The following CLMP variants were observed in gnomAD, a reference collection of about 807,000 sequenced individuals.
CLMP encodes the protein CXADR like cell adhesion molecule.
A neutral mutation model predicts 45.2 loss-of-function variants in CLMP; 27 were observed. The ratio of observed to expected loss-of-function variants is 0.60; its 90% CI spans 0.44 to 0.82. The LOEUF is 0.82. Ranked by LOEUF, CLMP falls within the 40% of genes least tolerant of loss-of-function variation. The pLI is 0.00. For synonymous variants in CLMP, 167 were observed against 171.4 expected, an observed-to-expected ratio of 0.97 and a Z score of 0.20; for missense variants, 403 against 448.4, an observed-to-expected ratio of 0.90 and a Z score of 0.91.
At chr11:123,107,619 G>A (rs368431829) in intron 1 of CLMP, among the ~76,000 whole-genome samples, 69 of 144,678 alleles carry the variant, frequency 4.8e-4, no homozygotes, top group African/African-American at 1.6e-3. Context: ...CAGTCCTCCC[G>A]CCTCGGCCTC....
Position 123,153,395 on chromosome 11 carries a change from T to C in CLMP, c.28+41518A>G, listed in dbSNP as rs529997409. On this transcript the variant is annotated intron_variant, in intron 1 of 6. Coordinates refer to ENST00000448775, the MANE Select transcript of CLMP (RefSeq NM_024769.5). ...CCTTTGCATCCTATTGCCGTGACCA[T>C]ATTTGTCCCTAAAGATTTACCTCTT... Among the ~76,000 whole-genome samples, 6 of 152,316 alleles carry C rather than the reference T, an allele frequency of 3.9e-5. No individual in the cohort carries two copies. In the East Asian group the frequency reaches 9.6e-4, roughly 24 times the overall value.
rs1865686434 is a variant in CLMP, at chr11:123,072,613, T to G, written c.*861A>C. On this transcript the variant is annotated 3_prime_UTR_variant, in exon 7 of 7. Transcript: ENST00000448775. ...GAAGAATTCTTTCTAAGGACGTTGATAAATGACATGTTGTATTTTCTCCTT... is the reference window on the plus strand; with the variant it reads ...GAAGAATTCTTTCTAAGGACGTTGAGAAATGACATGTTGTATTTTCTCCTT... 1 of 152,246 alleles carries G rather than the reference T, an allele frequency of 6.6e-6. No homozygotes were observed. The highest frequency in any genetic ancestry group is 1.5e-5 in the Non-Finnish European group (1 of 68,042). The allele number at this position is 152,246 out of a possible 1,614,324, so 9.4% of individuals were successfully genotyped here. A position where few individuals can be genotyped will look rare whatever the true frequency, so the allele number is the denominator to read the frequency against.
chr11:123,161,889 G>A lies in CLMP; in HGVS notation c.28+33024C>T, dbSNP rs184721759. On this transcript the variant is annotated intron_variant, in intron 1 of 6. Coordinates refer to ENST00000448775, the MANE Select transcript of CLMP (RefSeq NM_024769.5). Reference sequence around the variant, plus strand: ...CTTCACAAGCCCTGCAGGTGCTAACGATGCACTGGCTCTCAAATTGGAGAA... The same window carrying A: ...CTTCACAAGCCCTGCAGGTGCTAACAATGCACTGGCTCTCAAATTGGAGAA... Among the ~76,000 whole-genome samples the A allele has an allele frequency of 1.2e-4, 19 of 152,272 alleles. No individual in the cohort carries two copies. The East Asian group carries it at 2.1e-3, about 17-fold the overall frequency.
At position 123,116,831 on chromosome 11, in the gene CLMP, T is replaced by C. The variant is rs967849180; in HGVS notation, c.29-18879A>G. On this transcript the variant is annotated intron_variant, in intron 1 of 6. Coordinates refer to ENST00000448775, the MANE Select transcript of CLMP (RefSeq NM_024769.5). ...TTCACAATTCTTTTTCATACATATT[T>C]TGAGTTTTATTATGCAGAATAAGTG... Among the ~76,000 whole-genome samples the C allele has an allele frequency of 3.9e-5, 6 of 152,344 alleles. No homozygotes were observed. The South Asian group carries it at 8.3e-4, about 21-fold the overall frequency.
intron 1 of CLMP, among the ~76,000 whole-genome samples, chr11:123,145,510 T>C (rs1437780691): frequency 6.9e-6 from 1 of 144,804 alleles, no homozygotes; most frequent in Admixed American, 7.3e-5. Context: ...TTGCCCAAGC[T>C]GGAGTGCAGC....
intron 1 of CLMP, among the ~76,000 whole-genome samples, chr11:123,110,705 C>T (rs562292391): frequency 1.3e-5 from 2 of 152,270 alleles, no homozygotes; most frequent in East Asian, 1.9e-4. Context: ...TGAGCATCTA[C>T]TTCCTTCCCA....
chr11:123,158,793 T>C (rs1043808103), intron 1 of CLMP, among the ~76,000 whole-genome samples: 3 of 152,208 alleles, frequency 2.0e-5, no homozygotes, highest in Non-Finnish European at 2.9e-5. Flanking sequence ...TTCACCCCTG[T>C]GAGCCCCAGG....
intron 1 of CLMP, among the ~76,000 whole-genome samples, chr11:123,139,368 A>G (rs1033670879): frequency 6.6e-6 from 1 of 152,244 alleles, no homozygotes; most frequent in East Asian, 1.9e-4. Flanking sequence ...AGGACTGGCC[A>G]GTGAGTTAGG....
intron 1 of CLMP, among the ~76,000 whole-genome samples, chr11:123,128,231 T>TA (rs1214636967): frequency 7.3e-6 from 1 of 136,522 alleles, no homozygotes; most frequent in African/African-American, 2.8e-5. Context: ...CATTCATGAT[T>TA]AAAAAAAGAA....
At chr11:123,077,845 G>A (rs977288300) in intron 5 of CLMP, among the ~76,000 whole-genome samples, 4 of 152,110 alleles carry the variant, frequency 2.6e-5, no homozygotes, top group Non-Finnish European at 4.4e-5. Context: ...TGTGGCTCAC[G>A]CCTGTAATCT....
At chr11:123,150,252 G>A (rs1289896339) in intron 1 of CLMP, among the ~76,000 whole-genome samples, 1 of 150,912 alleles carries the variant, frequency 6.6e-6, no homozygotes, top group Admixed American at 6.7e-5. Context: ...ATAGAGGGCT[G>A]TGACAGGTGA....
At chr11:123,135,327 T>TAA (rs71279498) in intron 1 of CLMP, among the ~76,000 whole-genome samples, 13 of 134,670 alleles carry the variant, frequency 9.7e-5, no homozygotes, top group Non-Finnish European at 1.4e-4. Context: ...TCTCAAAAGT[T>TAA]AAAAAAAAGG....
At chr11:123,154,303 G>C (rs551655242) in intron 1 of CLMP, among the ~76,000 whole-genome samples, 14 of 152,246 alleles carry the variant, frequency 9.2e-5, no homozygotes, top group South Asian at 8.3e-4. Context: ...GCCTGAACAT[G>C]CAAAACTTGC....
chr11:123,147,509 C>CTCT (rs1861255062), intron 1 of CLMP, among the ~76,000 whole-genome samples: 1 of 152,132 alleles, frequency 6.6e-6, no homozygotes, highest in African/African-American at 2.4e-5. Flanking sequence ...AACATGTGGG[C>CTCT]TGAAGTGATC....
At chr11:123,084,804 T>C (rs977472998) in intron 2 of CLMP, 91 bp from the exon 3 acceptor site, 77 of 1,092,994 alleles carry the variant, frequency 7.0e-5, no homozygotes, top group Non-Finnish European at 9.7e-5. Flanking sequence ...GTACTCCCAG[T>C]GGCACAAAGT....
intron 1 of CLMP, among the ~76,000 whole-genome samples, chr11:123,105,688 C>T (rs1205469490): frequency 6.6e-6 from 1 of 151,626 alleles, no homozygotes; most frequent in Non-Finnish European, 1.5e-5. Flanking sequence ...TCTTGGACTC[C>T]CAAAGTGCTG....
intron 1 of CLMP, among the ~76,000 whole-genome samples, chr11:123,132,084 G>A (rs4454733): frequency 8.6e-5 from 13 of 151,840 alleles, no homozygotes; most frequent in Admixed American, 2.6e-4. Flanking sequence ...TAATCTTTGC[G>A]GGGGGGTCTA....
At chr11:123,091,175 GC>G (rs1415744609) in intron 2 of CLMP, among the ~76,000 whole-genome samples, 1 of 151,912 alleles carries the variant, frequency 6.6e-6, no homozygotes, top group Admixed American at 6.6e-5. Context: ...CACAATCTTG[GC>G]TCACTGCAAC....
At chr11:123,099,465 A>G (rs1036371585) in intron 1 of CLMP, among the ~76,000 whole-genome samples, 4 of 152,234 alleles carry the variant, frequency 2.6e-5, no homozygotes, top group African/African-American at 9.6e-5. Flanking sequence ...AAAAGCTGAA[A>G]TCCTTCCAGG....
Sources: gnomAD v4.1 joint callset for allele counts (sites outside exome capture counted in the v4.1 genomes callset) on GRCh38, gnomAD v4.1.1 for gene constraint, MANE v1.5 for transcripts, NCBI Gene and HGNC (gene_info 2026-07-23, HGNC 2026-07-21) for gene names.